WDR45B: variants seen among roughly 807,000 people sequenced by gnomAD.
WDR45B encodes the protein WD repeat domain 45B, also known as WD repeat domain phosphoinositide-interacting protein 3.
Under a neutral mutation model 44.6 loss-of-function variants are expected in WDR45B, and 20 were observed. The ratio of observed to expected loss-of-function variants is 0.45; its 90% confidence interval spans 0.32 to 0.65. WDR45B has a LOEUF of 0.65. Among genes scored for constraint, WDR45B ranks in the 30% least tolerant of loss-of-function variants. The pLI, the probability that WDR45B is intolerant of heterozygous loss-of-function variation, is 0.05. For missense variants in WDR45B, 323 were observed against 430.2 expected (o/e 0.75, Z 2.20); for synonymous variants, 169 against 164.9 (o/e 1.02, Z -0.19).
chr17:82,645,043 C>T (rs548422808), intron 1 of WDR45B, among the ~76,000 whole-genome samples: 187 of 152,302 alleles, frequency 1.2e-3, no homozygotes, highest in African/African-American at 4.4e-3. Context: ...TGCCTGTAAT[C>T]CCAGCACTTT....
chr17:82,648,125 C>T, intron 1 of WDR45B, 149 bp downstream of exon 1: 2 of 906,016 alleles, frequency 2.2e-6, no homozygotes, highest in Non-Finnish European at 3.1e-6. Context: ...GGGCCGGGGC[C>T]GGGGGCTTCG....
chr17:82,643,219 G>A (rs62079710), intron 2 of WDR45B, among the ~76,000 whole-genome samples: 6,652 of 152,260 alleles, frequency 0.044, 156 homozygotes, highest in Middle Eastern at 0.068. Context: ...TGGATCATGA[G>A]GTCAGGAGTT....
intron 6 of WDR45B, 86 bp from the exon 7 acceptor site, chr17:82,619,214 T>G: frequency 8.0e-7 from 1 of 1,253,776 alleles, no homozygotes; most frequent in South Asian, 1.2e-5. Context: ...ACAAATCCAT[T>G]AGTCCACACA....
chr17:82,636,218 G>C (rs560837489), intron 2 of WDR45B, among the ~76,000 whole-genome samples: 4 of 136,658 alleles, frequency 2.9e-5, no homozygotes, highest in Non-Finnish European at 4.5e-5. Flanking sequence ...CCGAGATCAC[G>C]CCACTGCACT....
intron 2 of WDR45B, among the ~76,000 whole-genome samples, chr17:82,633,802 G>A (rs988854256): frequency 6.6e-6 from 1 of 152,052 alleles, no homozygotes; most frequent in Non-Finnish European, 1.5e-5. Flanking sequence ...ATGACTTGAG[G>A]CCAGGAGTTT....
chr17:82,623,870 G>A (rs1260507324), intron 5 of WDR45B, among the ~76,000 whole-genome samples: 1 of 152,116 alleles, frequency 6.6e-6, no homozygotes, highest in East Asian at 1.9e-4. Flanking sequence ...ACCACAAGGA[G>A]ATGCCGTTAC....
chr17:82,635,112 G>T (rs1047329300), intron 2 of WDR45B, among the ~76,000 whole-genome samples: 2 of 151,888 alleles, frequency 1.3e-5, no homozygotes, highest in African/African-American at 4.9e-5. Flanking sequence ...CAACATTACT[G>T]ATCTATGCGC....
At position 82,618,126 on chromosome 17, in the gene WDR45B, C is replaced by T. The variant is rs572424238; in HGVS notation, c.705-729G>A. Among the ~76,000 whole-genome samples, 132 of 152,286 alleles carry T rather than the reference C, an allele frequency of 8.7e-4. 1 individual carries two copies. Among genetic ancestry groups the T allele is most frequent in the African/African-American group, 3.0e-3 (124 of 41,552 alleles). On this transcript the variant is annotated intron_variant, in intron 7 of 9. Coordinates refer to ENST00000392325, the MANE Select transcript of WDR45B (RefSeq NM_019613.4). ...TGTATTTTTAGTAGAGATGGGGTTTCGCCATGCTGGCCAGGCTGGTCTCGA... is the reference window on the plus strand; with the variant it reads ...TGTATTTTTAGTAGAGATGGGGTTTTGCCATGCTGGCCAGGCTGGTCTCGA...
chr17:82,646,574 A>G (rs1206815556), intron 1 of WDR45B, among the ~76,000 whole-genome samples: 1 of 152,028 alleles, frequency 6.6e-6, no homozygotes, highest in African/African-American at 2.4e-5. Context: ...AGAAGTAGGC[A>G]AAACTAATCT....
chr17:82,639,097 A>G (rs1299392856), intron 2 of WDR45B, among the ~76,000 whole-genome samples: 1 of 152,032 alleles, frequency 6.6e-6, no homozygotes, highest in Non-Finnish European at 1.5e-5. Context: ...CTGGGATTAC[A>G]GGCATGAGCC....
chr17:82,617,581 A>ACAAAGC lies in WDR45B; in HGVS notation c.705-190_705-185dup, dbSNP rs1329842240. The ACAAAGC allele has an allele frequency of 7.6e-6, 5 of 658,302 alleles. No homozygotes were observed. The Admixed American group carries it at 1.1e-4, about 14-fold the overall frequency. 40.8% of individuals were successfully genotyped at this position (658,302 alleles called of 1,614,324 possible). A position where few individuals can be genotyped will look rare whatever the true frequency, so the allele number is the denominator to read the frequency against. ...CCCCACAGCACCACAGGTTGAAGCC[A>ACAAAGC]CAAAGCCACAGCCACAATCCAGTGT... On this transcript the variant is annotated intron_variant, in intron 7 of 9. Coordinates refer to ENST00000392325, the MANE Select transcript of WDR45B (RefSeq NM_019613.4).
intron 2 of WDR45B, among the ~76,000 whole-genome samples, chr17:82,635,000 C>T (rs992151419): frequency 1.3e-5 from 2 of 151,904 alleles, no homozygotes; most frequent in African/African-American, 4.9e-5. Context: ...AAAAGTAGCA[C>T]GGTGGTTACT....
At chr17:82,639,334 T>C in intron 2 of WDR45B, among the ~76,000 whole-genome samples, 1 of 151,968 alleles carries the variant, frequency 6.6e-6, no homozygotes, top group East Asian at 1.9e-4. Flanking sequence ...GGTTCTCCAA[T>C]TTTCCACTCT....
chr17:82,627,673 C>T (rs1434588002), intron 3 of WDR45B, among the ~76,000 whole-genome samples: 2 of 152,286 alleles, frequency 1.3e-5, no homozygotes, highest in African/African-American at 4.8e-5. Flanking sequence ...TTGCTCCCTC[C>T]CCGTCCGTTC....
Position 82,614,656 on chromosome 17 carries a change from TGAAAG to T in WDR45B, c.*1258_*1262del, listed in dbSNP as rs1473352850. ...ATTAAACATCATGATTAAATACACA[TGAAAG>T]GAACATGCATACTTTACAGCAACAT... is the stretch of plus-strand genomic sequence containing the variant. On this transcript the variant is annotated 3_prime_UTR_variant, in exon 10 of 10. Transcript: ENST00000392325. 6.6e-6 allele frequency: 1 copy of T among 152,604 alleles called. No homozygotes were observed. The highest frequency in any genetic ancestry group is 2.4e-5 in the African/African-American group (1 of 41,438). 9.5% of individuals were successfully genotyped at this position (152,604 alleles called of 1,614,324 possible).
intron 1 of WDR45B, among the ~76,000 whole-genome samples, chr17:82,645,291 C>T (rs2045961957): frequency 6.7e-6 from 1 of 150,344 alleles, no homozygotes; most frequent in Non-Finnish European, 1.5e-5. Flanking sequence ...CAGCAAGACT[C>T]CGTCTCAAAA....
At position 82,620,364 on chromosome 17, in the gene WDR45B, C is replaced by T. The variant is rs2045597781; in HGVS notation, c.619-1236G>A. Among the ~76,000 whole-genome samples the T allele has an allele frequency of 2.6e-5, 4 of 152,274 alleles. No homozygotes were observed. The South Asian group carries it at 6.2e-4, about 24-fold the overall frequency. ...AGGAGAATCGCTGGCACCCAGGAGG[C>T]GGAGGTGGCAGTGAGCTGAGATCAC... is the stretch of plus-strand genomic sequence containing the variant. On this transcript the variant is annotated intron_variant, in intron 6 of 9. Coordinates refer to ENST00000392325, the MANE Select transcript of WDR45B (RefSeq NM_019613.4).
In WDR45B at chr17:82,617,480, G is replaced by A. The variant is rs565684172; in HGVS notation, c.705-83C>T. On this transcript the variant is annotated intron_variant, in intron 7 of 9. Coordinates refer to ENST00000392325, the MANE Select transcript of WDR45B (RefSeq NM_019613.4). ...TTAACCCACAGCACTTGTCGACACT[G>A]TGGAACACCTCAACATTCCCACTCT... 14 of 1,349,256 alleles carry A rather than the reference G, an allele frequency of 1.0e-5. No homozygotes were observed. The East Asian group carries it at 3.3e-4, about 32-fold the overall frequency. The allele number at this position is 1,349,256 out of a possible 1,614,324, so 83.6% of individuals were successfully genotyped here.
At position 82,619,988 on chromosome 17, in the gene WDR45B, T is replaced by A. The variant is rs571403448; in HGVS notation, c.619-860A>T. ...GCATCCACATTTGTAACGGGGATTC[T>A]ATCTAAAGAAGAAAAGTTGCAGGGA... is the stretch of plus-strand genomic sequence containing the variant. On this transcript the variant is annotated intron_variant, in intron 6 of 9. Transcript: ENST00000392325. Among the ~76,000 whole-genome samples the A allele has an allele frequency of 1.4e-4, 21 of 152,356 alleles. No individual in the cohort carries two copies. In the South Asian group the frequency reaches 4.4e-3, roughly 32 times the overall value.
Sources: gnomAD v4.1 joint callset for allele counts (sites outside exome capture counted in the v4.1 genomes callset) on GRCh38, gnomAD v4.1.1 for gene constraint, MANE v1.5 for transcripts, NCBI Gene and HGNC (gene_info 2026-07-23, HGNC 2026-07-21) for gene names.